Variants in BLM observed in about 807,000 individuals in gnomAD.
BLM encodes the protein recQ-like DNA helicase BLM.
BLM carries 95 observed loss-of-function variants against 135.3 expected under a neutral mutation model. The ratio of observed to expected loss-of-function variants is 0.70; its 90% CI spans 0.59 to 0.83. The LOEUF (loss-of-function observed/expected upper bound fraction) is 0.83. Among genes scored for constraint, BLM ranks in the 40% least tolerant of loss-of-function variants. The pLI is 0.00. For synonymous variants in BLM, 520 were observed against 589.2 expected (o/e 0.88, Z 1.70); for missense variants, 1,518 against 1,663.9 (o/e 0.91, Z 1.53).
intron 1 of BLM, among the ~76,000 whole-genome samples, chr15:90,735,660 A>G (rs1342797318): frequency 6.6e-6 from 1 of 152,166 alleles, no homozygotes; most frequent in Non-Finnish European, 1.5e-5. Flanking sequence ...ACTTTATATC[A>G]GACACAGGAA....
rs1475915995 is a variant in BLM, at chr15:90,760,648, C to A, written c.1275C>A (p.Gly425=). 3 of 1,613,088 alleles carry A rather than the reference C, an allele frequency of 1.9e-6. No individual in the cohort carries two copies. The highest frequency in any genetic ancestry group is 4.5e-5 in the East Asian group (2 of 44,856). Residue 425 remains glycine, a synonymous_variant, in exon 7 of 22, where the codon GGC becomes GGA. Coordinates refer to ENST00000355112, the MANE Select transcript of BLM (RefSeq NM_000057.4). ...DFNKSDASLL[G]SLWRYRPDSL... ...ATAAAAGTGATGCCAGTCTTCTTGG[C>A]TCATTGTGGAGATACAGGCCTGATT...
intron 12 of BLM, among the ~76,000 whole-genome samples, chr15:90,773,847 G>A (rs1419250705): frequency 6.6e-6 from 1 of 151,896 alleles, no homozygotes; most frequent in African/African-American, 2.4e-5. Flanking sequence ...TCCATTTTAT[G>A]GATCCTACTT....
rs982183816 is a variant in BLM, at chr15:90,749,826, A to C, written c.558A>C (p.Ser186=). Residue 186 remains serine (S), a synonymous_variant, in exon 3 of 22, where the codon TCA becomes TCC. Coordinates refer to ENST00000355112, the MANE Select transcript of BLM (RefSeq NM_000057.4). ...TAAGAGTAAGCACTGCTCAGAAATCAAAAAAGGGTAAGAGAAACTTTTTTA... is the reference window on the plus strand; with the variant it reads ...TAAGAGTAAGCACTGCTCAGAAATCCAAAAAGGGTAAGAGAAACTTTTTTA... ...HFVRVSTAQK[S]KKGKRNFFKA... is the part of the protein sequence containing the mutation. 3.1e-6 allele frequency: 5 copies of C among 1,592,796 alleles called. No homozygotes were observed. Among genetic ancestry groups the C allele is most frequent in the Middle Eastern group, 1.7e-4 (1 of 5,952 alleles).
At chr15:90,722,572 A>G (rs1275445096) in intron 1 of BLM, among the ~76,000 whole-genome samples, 1 of 152,110 alleles carries the variant, frequency 6.6e-6, no homozygotes, top group African/African-American at 2.4e-5. Flanking sequence ...CAGCCTGGGC[A>G]ACAGAATGAG....
chr15:90,759,497 G>A (rs1250599732), intron 5 of BLM, among the ~76,000 whole-genome samples: 4 of 152,160 alleles, frequency 2.6e-5, no homozygotes, highest in African/African-American at 7.2e-5. Context: ...GGGAGGCTGA[G>A]GCAGGAGGAT....
chr15:90,774,917 G>C (rs1449108953), intron 12 of BLM, among the ~76,000 whole-genome samples: 3 of 152,010 alleles, frequency 2.0e-5, no homozygotes, highest in Non-Finnish European at 4.4e-5. Context: ...CTTGACGCCA[G>C]ATCATGGAGG....
At chr15:90,747,637 G>T in intron 2 of BLM, 147 bp downstream of exon 2, 1 of 663,234 alleles carries the variant, frequency 1.5e-6, no homozygotes, top group South Asian at 1.7e-5. Flanking sequence ...CCAATTAATG[G>T]TAGAGTATGT....
At position 90,729,834 on chromosome 15, in the gene BLM, A is replaced by AT. The variant is rs1282083336; in HGVS notation, c.-5+12399dup. ...ATTTTGCCTCCTGCATTCACTTAAGATTTTTATTTTTATTTTTATTTTTAT... is the reference window on the plus strand; with the variant it reads ...ATTTTGCCTCCTGCATTCACTTAAGATTTTTTATTTTTATTTTTATTTTTAT... On this transcript the variant is annotated intron_variant, in intron 1 of 21. Coordinates refer to ENST00000355112, the MANE Select transcript of BLM (RefSeq NM_000057.4). Among the ~76,000 whole-genome samples, 2 of 151,094 alleles carry AT rather than the reference A, an allele frequency of 1.3e-5. 1 individual carries two copies. The highest frequency in any genetic ancestry group is 3.9e-4 in the East Asian group (2 of 5,178).
At position 90,767,001 on chromosome 15, in the gene BLM, T is replaced by C. The variant is rs1896150551; in HGVS notation, c.2285T>C (p.Leu762Pro). The C allele has an allele frequency of 6.4e-7, 1 of 1,574,692 alleles. No homozygotes were observed. Among genetic ancestry groups the C allele is most frequent in the African/African-American group, 1.4e-5 (1 of 74,038 alleles). The change falls in exon 10 of 22, where the codon CTT becomes CCT. Residue 762 changes from leucine (L) to proline (P), a missense_variant. Physicochemically the swap from Leu to Pro is moderately conservative, Grantham distance 98 (BLOSUM62 -3). Coordinates refer to ENST00000355112, the MANE Select transcript of BLM (RefSeq NM_000057.4). ...QLSKKDPIIK[L>P]LYVTPEKICA... ...TCAAAAAAAGACCCAATCATAAAAC[T>C]TCTATATGTCACTCCAGAAAAGGTT...
chr15:90,759,756 AC>A (rs1169897829), intron 5 of BLM, among the ~76,000 whole-genome samples: 2 of 151,810 alleles, frequency 1.3e-5, no homozygotes, highest in African/African-American at 2.4e-5. Context: ...ACAGACACGC[AC>A]CACCATGCCC....
intron 1 of BLM, among the ~76,000 whole-genome samples, chr15:90,728,718 T>G (rs1410946812): frequency 6.6e-6 from 1 of 152,116 alleles, no homozygotes; most frequent in Non-Finnish European, 1.5e-5. Context: ...GTATTTAAAT[T>G]TTTGATGTCA....
intron 12 of BLM, among the ~76,000 whole-genome samples, chr15:90,774,034 G>A (rs1896401416): frequency 6.7e-6 from 1 of 148,982 alleles, no homozygotes; most frequent in African/African-American, 2.5e-5. Flanking sequence ...TCAATTCAAG[G>A]ACTACTAAAC....
intron 1 of BLM, among the ~76,000 whole-genome samples, chr15:90,735,793 A>C (rs1299992816): frequency 6.6e-6 from 1 of 152,182 alleles, no homozygotes; most frequent in African/African-American, 2.4e-5. Context: ...AATTGGCTAC[A>C]TTGAAAAGCA....
At chr15:90,722,432 C>G (rs184110223) in intron 1 of BLM, among the ~76,000 whole-genome samples, 347 of 152,118 alleles carry the variant, frequency 2.3e-3, no homozygotes, top group Non-Finnish European at 3.3e-3. Context: ...TACTAAAATA[C>G]AAAAATTAGC....
At chr15:90,721,508 G>A (rs891146508) in intron 1 of BLM, among the ~76,000 whole-genome samples, 1 of 151,850 alleles carries the variant, frequency 6.6e-6, no homozygotes, top group African/African-American at 2.4e-5. Flanking sequence ...TGTATTTTTG[G>A]TACAGATGGG....
At chr15:90,756,107 CTTT>C (rs367589024) in intron 5 of BLM, among the ~76,000 whole-genome samples, 3 of 143,114 alleles carry the variant, frequency 2.1e-5, no homozygotes, top group African/African-American at 5.1e-5. Context: ...AGGTAGTTTC[CTTT>C]TTTTTTTTTT....
At position 90,815,015 on chromosome 15, in the gene BLM, G is replaced by A; in HGVS notation, c.4077-87G>A. 1 of 1,345,106 alleles carries A rather than the reference G, an allele frequency of 7.4e-7. No individual in the cohort carries two copies. The highest frequency in any genetic ancestry group is 1.2e-5 in the South Asian group (1 of 83,812). The allele number at this position is 1,345,106 out of a possible 1,614,324, so 83.3% of individuals were successfully genotyped here. A position where few individuals can be genotyped will look rare whatever the true frequency, so the allele number is the denominator to read the frequency against. ...AGGACACATTAGGCCCAGGGAAGTG[G>A]TATTGTAGCTCTGTGCAGGTTGAGA... On this transcript the variant is annotated intron_variant, in intron 21 of 21. Transcript: ENST00000355112. This position sits in a 1 kb window ranked among gnomAD's most constrained non-coding sequence, Gnocchi z 4.6.
intron 5 of BLM, among the ~76,000 whole-genome samples, chr15:90,759,242 C>T (rs892282845): frequency 6.6e-6 from 1 of 152,044 alleles, no homozygotes; most frequent in Non-Finnish European, 1.5e-5. Flanking sequence ...TACACTGCTT[C>T]ATATTTTACA....
intron 18 of BLM, 124 bp downstream of exon 18, chr15:90,803,844 A>C (rs957321861): frequency 2.9e-6 from 3 of 1,024,384 alleles, no homozygotes; most frequent in Non-Finnish European, 2.9e-6. Flanking sequence ...TTCTATACGA[A>C]CATATTCTGT....
Sources: gnomAD v4.1 joint callset for allele counts (sites outside exome capture counted in the v4.1 genomes callset) on GRCh38, gnomAD v4.1.1 for gene constraint, Gnocchi (gnomAD v3.1) non-coding constraint, MANE v1.5 for transcripts, NCBI Gene and HGNC (gene_info 2026-07-23, HGNC 2026-07-21) for gene names.